Variants in ZNF717 observed in about 807,000 individuals in gnomAD.
ZNF717 encodes krueppel-like factor X17.
Under a neutral mutation model 13.8 loss-of-function variants are expected in ZNF717, and 9 were observed. The ratio of observed to expected loss-of-function variants is 0.65; its 90% confidence interval spans 0.39 to 1.14. The LOEUF (loss-of-function observed/expected upper bound fraction) is 1.14. Ranked by LOEUF, ZNF717 falls within the 50% of genes most tolerant of loss-of-function variation. The pLI, the probability that ZNF717 is intolerant of heterozygous loss-of-function variation, is 0.01. For missense variants in ZNF717, 1,040 were observed against 1,080.7 expected (o/e 0.96, Z 0.53); for synonymous variants, 327 against 364.1 (o/e 0.90, Z 1.16).
intron 2 of ZNF717, among the ~76,000 whole-genome samples, chr3:75,766,181 T>C (rs111453716): frequency 0.072 from 6,443 of 89,030 alleles, no homozygotes; most frequent in Non-Finnish European, 0.11. Context: ...TAATGATTAG[T>C]TACAATGTAA....
At chr3:75,701,776 A>T (rs1328192939) in intron 6 of ZNF717, among the ~76,000 whole-genome samples, 1 of 152,308 alleles carries the variant, frequency 6.6e-6, no homozygotes, top group African/African-American at 2.4e-5. Context: ...TGAGTTCAAA[A>T]ACTTATATAG....
chr3:75,728,328 G>A (rs79988036), downstream of ZNF717, among the ~76,000 whole-genome samples: 466 of 152,318 alleles, frequency 3.1e-3, no homozygotes, highest in African/African-American at 9.5e-3. Context: ...ATTTGCCAAC[G>A]TTAAGGATGC....
At chr3:75,739,627 CT>C (rs1940089132) in intron 4 of ZNF717, among the ~76,000 whole-genome samples, 2 of 152,096 alleles carry the variant, frequency 1.3e-5, no homozygotes, top group East Asian at 3.9e-4. Context: ...CATCTACTTC[CT>C]ACTCATAGGT....
At chr3:75,761,656 T>C (rs1943027328) in intron 2 of ZNF717, among the ~76,000 whole-genome samples, 1 of 152,284 alleles carries the variant, frequency 6.6e-6, no homozygotes, top group Non-Finnish European at 1.5e-5. Flanking sequence ...GGTAGAATAA[T>C]GAAATTCAAC....
chr3:75,760,901 C>T (rs7427137), intron 2 of ZNF717, among the ~76,000 whole-genome samples: 14 of 131,758 alleles, frequency 1.1e-4, no homozygotes, highest in East Asian at 4.2e-4. Flanking sequence ...AACTCACAGC[C>T]ATATTAAGAA....
chr3:75,745,328 T>C (rs1941038045), intron 2 of ZNF717, among the ~76,000 whole-genome samples: 1 of 152,100 alleles, frequency 6.6e-6, no homozygotes, highest in Admixed American at 6.6e-5. Flanking sequence ...CTCGCAGTAG[T>C]GTCCTGGAAT....
intron 5 of ZNF717, among the ~76,000 whole-genome samples, chr3:75,711,888 T>C (rs1439470945): frequency 6.6e-6 from 1 of 152,242 alleles, no homozygotes; most frequent in Non-Finnish European, 1.5e-5. Flanking sequence ...GGAATAGCCA[T>C]GGTTTAAAAT....
exon 6 of ZNF717, chr3:75,730,089 C>A (rs1442499370): frequency 1.3e-5 from 2 of 152,136 alleles, no homozygotes; most frequent in East Asian, 1.9e-4. Context: ...TAACTGTACA[C>A]AGGCAGCATA....
chr3:75,754,358 A>AG (rs564697697), intron 2 of ZNF717, among the ~76,000 whole-genome samples: 6,755 of 120,862 alleles, frequency 0.056, 477 homozygotes, highest in African/African-American at 0.18. Flanking sequence ...AGGCAAAAAA[A>AG]TAAAAAAAAA....
chr3:75,726,028 C>A (rs77343828), downstream of ZNF717, among the ~76,000 whole-genome samples: 3 of 152,192 alleles, frequency 2.0e-5, no homozygotes, highest in Admixed American at 2.0e-4. Flanking sequence ...CATTATGAAA[C>A]CCATCTGTGT....
Position 75,738,777 on chromosome 3 carries a change from G to T in ZNF717, c.846C>A (p.Pro282=). 1 of 1,553,100 alleles carries T rather than the reference G, an allele frequency of 6.4e-7. No individual in the cohort carries two copies. The highest frequency in any genetic ancestry group is 1.2e-5 in the South Asian group (1 of 84,108). The change falls in exon 5 of 5, where the codon CCC becomes CCA. Residue 282 remains proline (P), a synonymous_variant. Transcript: ENST00000652011. ...KHQQTHTGEK[P]YECVECEKPS... ...GTTTCTCACATTCAACACATTCATA[G>T]GGTTTCTCTCCTGTGTGTGTCTGCT...
intron 2 of ZNF717, among the ~76,000 whole-genome samples, chr3:75,779,435 G>C (rs1264132225): frequency 1.3e-5 from 2 of 150,656 alleles, no homozygotes; most frequent in Non-Finnish European, 2.9e-5. Context: ...TGGGAGTGAT[G>C]TGCTAAAACC....
At chr3:75,742,295 G>A (rs1940571830) in intron 2 of ZNF717, among the ~76,000 whole-genome samples, 1 of 139,984 alleles carries the variant, frequency 7.1e-6, no homozygotes, top group Non-Finnish European at 1.5e-5. Flanking sequence ...CTGCACTCCA[G>A]CCTGACCAAC....
At chr3:75,776,088 C>T (rs1403612278) in intron 2 of ZNF717, among the ~76,000 whole-genome samples, 2 of 152,248 alleles carry the variant, frequency 1.3e-5, no homozygotes, top group Non-Finnish European at 2.9e-5. Flanking sequence ...GGAGAAACAG[C>T]TGGTATTCAA....
chr3:75,731,237 T>A (rs1249950949), downstream of ZNF717, among the ~76,000 whole-genome samples: 1 of 152,052 alleles, frequency 6.6e-6, no homozygotes. Flanking sequence ...ATTAGCGAAG[T>A]GTGGTGGTGT....
chr3:75,766,619 A>T (rs775976643), intron 2 of ZNF717, among the ~76,000 whole-genome samples: 3 of 152,254 alleles, frequency 2.0e-5, no homozygotes, highest in Non-Finnish European at 4.4e-5. Context: ...CTGCTCTCTC[A>T]GTAACTGACG....
At chr3:75,694,790 A>G (rs1412014189) in intron 6 of ZNF717, among the ~76,000 whole-genome samples, 8 of 152,228 alleles carry the variant, frequency 5.3e-5, no homozygotes, top group African/African-American at 1.9e-4. Context: ...AAAATCATGT[A>G]TTATATTGTT....
intron 4 of ZNF717, among the ~76,000 whole-genome samples, chr3:75,723,647 G>C (rs78646584): frequency 6.9e-6 from 1 of 145,804 alleles, no homozygotes; most frequent in Non-Finnish European, 1.5e-5. Context: ...AAGTGACCAG[G>C]AGACAAGAGT....
At chr3:75,734,817 ATTTTT>A (rs545474632), downstream of ZNF717, among the ~76,000 whole-genome samples, 735 of 57,026 alleles carry the variant, frequency 0.013, 2 homozygotes, top group African/African-American at 0.032. Flanking sequence ...ATATATATAT[ATTTTT>A]TTTTTTTTTT....
Sources: allele counts gnomAD v4.1 joint callset (sites outside exome capture counted in the v4.1 genomes callset), GRCh38; gene constraint gnomAD v4.1.1; transcripts MANE v1.5; gene names NCBI Gene and HGNC (gene_info 2026-07-23, HGNC 2026-07-21).